The following EIF3B variants were observed in gnomAD, a reference collection of about 807,000 sequenced individuals.
The protein encoded by EIF3B is eukaryotic translation initiation factor 3 subunit B.
In EIF3B, 10 loss-of-function variants were observed where a neutral mutation model predicts 104.6. The observed-to-expected ratio is 0.10, with a 90% CI of 0.06 to 0.16. EIF3B has a LOEUF of 0.16. Ranked by LOEUF, EIF3B falls within the 10% of genes least tolerant of loss-of-function variation. EIF3B has a pLI of 1.00. For missense variants in EIF3B, 1,014 were observed against 1,087.9 expected, an observed-to-expected ratio of 0.93 and a Z score of 0.96; for synonymous variants, 542 against 417.2, an observed-to-expected ratio of 1.30 and a Z score of -3.65.
rs900810438 is a variant in EIF3B, at chr7:2,377,191, T to C, written c.2154+116T>C. On this transcript the variant is annotated intron_variant, in intron 15 of 18. Transcript: ENST00000360876. ...TGACTGGGGGATAAAAACGTGACAT[T>C]TGCAAGGATTCTTTGAAGAGACGCA... 2.3e-5 allele frequency: 31 copies of C among 1,341,586 alleles called. No individual in the cohort carries two copies. The Admixed American group carries it at 5.4e-4, about 23-fold the overall frequency. The allele number at this position is 1,341,586 out of a possible 1,614,324, so 83.1% of individuals were successfully genotyped here.
rs972399078 is a variant in EIF3B at position 2,355,404 on chromosome 7, C to G, written c.483C>G (p.Asp161Glu). The G allele has an allele frequency of 1.4e-6, 2 of 1,474,920 alleles. No individual in the cohort carries two copies. The highest frequency in any genetic ancestry group is 2.6e-5 in the South Asian group (2 of 77,270). 91.4% of individuals were successfully genotyped at this position (1,474,920 alleles called of 1,614,324 possible). ...TCAGCGACCCCGAGGACTTCGTGGA[C>G]GACGTGAGCGAGGAAGGTGAGGGCG... is the stretch of plus-strand genomic sequence containing the variant. ...PSFSDPEDFV[D>E]DVSEEELLGD... The change falls in exon 1 of 19, where the codon GAC (aspartate) becomes GAG (glutamate). Residue 161 changes from aspartate to glutamate, a missense_variant. Around this residue, in one of 4 missense-constraint regions of EIF3B, gnomAD observed 488 missense variants for 404.3 expected, o/e 1.21. Transcript: ENST00000360876.
chr7:2,366,186 GGGGCC>G, intron 6 of EIF3B, 126 bp from the exon 7 acceptor site: 1 of 939,030 alleles, frequency 1.1e-6, no homozygotes. Context: ...TGGGTCTCTT[GGGGCC>G]GGGCAGTGTG....
At chr7:2,364,789 A>G (rs1230404734) in intron 6 of EIF3B, among the ~76,000 whole-genome samples, 1 of 152,188 alleles carries the variant, frequency 6.6e-6, no homozygotes, top group Non-Finnish European at 1.5e-5. Context: ...TATTCCTAGA[A>G]ATAGGATTTT....
At chr7:2,356,097 C>T (rs943935352) in intron 1 of EIF3B, among the ~76,000 whole-genome samples, 1 of 152,092 alleles carries the variant, frequency 6.6e-6, no homozygotes, top group Admixed American at 6.5e-5. Context: ...GAGATTTTTT[C>T]CTGAAGCTAC....
chr7:2,379,559 C>A, intron 18 of EIF3B, 48 bp downstream of exon 18: 1 of 1,200,810 alleles, frequency 8.3e-7, no homozygotes, highest in Non-Finnish European at 1.2e-6. Context: ...GCTGCTCATG[C>A]TGCTTCAGTT....
chr7:2,362,531 C>A, intron 2 of EIF3B, 114 bp from the exon 3 acceptor site: 1 of 1,335,752 alleles, frequency 7.5e-7, no homozygotes, highest in Admixed American at 1.9e-5. Flanking sequence ...GCAGGAAGAG[C>A]AGCACAGATA....
intron 18 of EIF3B, 42 bp from the exon 19 acceptor site, chr7:2,380,162 T>G: frequency 3.0e-6 from 1 of 338,846 alleles, no homozygotes; most frequent in Non-Finnish European, 5.9e-6. Flanking sequence ...CCTCAGCCTT[T>G]TGAGGTGGTG....
Position 2,372,661 on chromosome 7 carries a change from T to C in EIF3B, c.1688-12T>C. 1 of 1,613,510 alleles carries C rather than the reference T, an allele frequency of 6.2e-7. No homozygotes were observed. The highest frequency in any genetic ancestry group is 8.5e-7 in the Non-Finnish European group (1 of 1,179,532). On this transcript the variant is annotated splice_polypyrimidine_tract_variant and intron_variant, in intron 11 of 18. Transcript: ENST00000360876. ...TGACCAAAAAGGGAGGGGTCTGTTT[T>C]GTGCATTTTAGAAACCATCATAGCC...
chr7:2,372,125 T>C, intron 11 of EIF3B: 1 of 418,122 alleles, frequency 2.4e-6, no homozygotes, highest in Non-Finnish European at 4.4e-6. Context: ...GAGGATCACT[T>C]GAGCCCAGGA....
chr7:2,364,647 A>T, intron 6 of EIF3B, 118 bp downstream of exon 6: 1 of 925,636 alleles, frequency 1.1e-6, no homozygotes, highest in Non-Finnish European at 1.7e-6. Flanking sequence ...GAGTATGCAG[A>T]ACGCTAATAA....
At chr7:2,358,238 C>T (rs927436273) in intron 1 of EIF3B, among the ~76,000 whole-genome samples, 2 of 152,152 alleles carry the variant, frequency 1.3e-5, no homozygotes, top group Admixed American at 1.3e-4. Flanking sequence ...CATGTGCCAC[C>T]ATGCCTGGCT....
chr7:2,377,134 G>C, intron 15 of EIF3B, 59 bp downstream of exon 15: 1 of 1,540,744 alleles, frequency 6.5e-7, no homozygotes, highest in Non-Finnish European at 8.7e-7. Flanking sequence ...GCGTTGAAAA[G>C]GTGTCAGTTT....
At chr7:2,375,257 G>A (rs1780569105) in intron 13 of EIF3B, 132 bp from the exon 14 acceptor site, 1 of 1,136,876 alleles carries the variant, frequency 8.8e-7, no homozygotes, top group Non-Finnish European at 1.3e-6. Context: ...ACCAGAGGCT[G>A]TTGCTGTGCT....
intron 10 of EIF3B, among the ~76,000 whole-genome samples, chr7:2,370,979 C>T (rs1356205884): frequency 1.3e-5 from 2 of 152,102 alleles, no homozygotes; most frequent in African/African-American, 2.4e-5. Context: ...AGGAGAATGG[C>T]GTGAACCCGG....
At chr7:2,366,197 G>C (rs1780019114) in intron 6 of EIF3B, 120 bp from the exon 7 acceptor site, 2 of 1,080,424 alleles carry the variant, frequency 1.9e-6, no homozygotes, top group Non-Finnish European at 1.3e-6. Context: ...GGGCCGGGCA[G>C]TGTGGGGTTT....
rs146065248 is a variant in EIF3B at position 2,372,085 on chromosome 7, T to C, written c.1687+236T>C. On this transcript the variant is annotated intron_variant, in intron 11 of 18. Coordinates refer to ENST00000360876, the MANE Select transcript of EIF3B (RefSeq NM_001037283.2). ...AGCCAGGTGTGGTGGTGCGCACCGA[T>C]AGTCCCAGCTGTTTGAGACGCTGAA... 2.8e-3 allele frequency: 1,340 copies of C among 479,872 alleles called. 23 individuals are homozygous for C. Among genetic ancestry groups the C allele is most frequent in the South Asian group, 0.019 (806 of 42,910 alleles). The allele number at this position is 479,872 out of a possible 1,614,324, so 29.7% of individuals were successfully genotyped here.
rs1269950726 is a variant in EIF3B, at chr7:2,378,693, T to C, written c.2159T>C (p.Ile720Thr). The change falls in exon 16 of 19, where the codon ATT becomes ACT. Residue 720 changes from isoleucine (I) to threonine (T), a missense_variant. Physicochemically the swap from Ile to Thr is moderately conservative, Grantham distance 89 (BLOSUM62 -1). Around this residue, in one of 4 missense-constraint regions of EIF3B, gnomAD observed 266 missense variants for 324.0 expected, o/e 0.82. Coordinates refer to ENST00000360876, the MANE Select transcript of EIF3B (RefSeq NM_001037283.2). ...GTGATGGGTCTTTTGTTTCAGCAAA[T>C]TAAAAAGGATCTGAAGAAATACTCT... is the stretch of plus-strand genomic sequence containing the variant. The part of the protein sequence containing the change: ...TLLSQEQIKQ[I>T]KKDLKKYSKI... 1 of 1,613,708 alleles carries C rather than the reference T, an allele frequency of 6.2e-7. No individual in the cohort carries two copies. The highest frequency in any genetic ancestry group is 2.2e-5 in the East Asian group (1 of 44,900).
Position 2,369,563 on chromosome 7 carries a change from C to G in EIF3B, c.1495C>G (p.Pro499Ala). 6.2e-7 allele frequency: 1 copy of G among 1,614,148 alleles called. No individual in the cohort carries two copies. The highest frequency in any genetic ancestry group is 8.5e-7 in the Non-Finnish European group (1 of 1,180,042). Residue 499 changes from proline (P) to alanine (A), a missense_variant, in exon 10 of 19, where the codon CCT (proline) becomes GCT (alanine). Coordinates refer to ENST00000360876, the MANE Select transcript of EIF3B (RefSeq NM_001037283.2). ...AGCCAGGGTAACCCTGATGCAGCTC[C>G]CTACCAGGCAAGAGATCCGAGTGAG... ...IPARVTLMQL[P>A]TRQEIRVRNL...
chr7:2,355,541 G>T, intron 1 of EIF3B, 121 bp downstream of exon 1: 1 of 1,326,346 alleles, frequency 7.5e-7, no homozygotes, highest in East Asian at 3.0e-5. Flanking sequence ...GGGTGTCCGT[G>T]TGTTCCTGAG....
Sources: gnomAD v4.1 joint callset for allele counts (sites outside exome capture counted in the v4.1 genomes callset) on GRCh38, gnomAD v4.1.1 for gene constraint, gnomAD v4.1.1 regional missense constraint, MANE v1.5 for transcripts, NCBI Gene and HGNC (gene_info 2026-07-23, HGNC 2026-07-21) for gene names.